The following PPP2R5A variants were observed in gnomAD, a reference collection of about 807,000 sequenced individuals.
The protein encoded by PPP2R5A is protein phosphatase 2 regulatory subunit B'alpha, also known as serine/threonine-protein phosphatase 2A 56 kDa regulatory subunit alpha isoform.
A neutral mutation model predicts 64.2 loss-of-function variants in PPP2R5A; 25 were observed. The ratio of observed to expected loss-of-function variants is 0.39; its 90% CI spans 0.28 to 0.54. The LOEUF is 0.54. Among genes scored for constraint, PPP2R5A ranks in the 20% least tolerant of loss-of-function variants. The probability of loss-of-function intolerance (pLI) is 0.67; values close to 1 mark genes in which losing one functional copy is unlikely to be tolerated. For missense variants in PPP2R5A, 425 were observed against 576.3 expected (o/e 0.74, Z 2.69); for synonymous variants, 198 against 201.2 (o/e 0.98, Z 0.13).
chr1:212,352,754 T>C lies in PPP2R5A; in HGVS notation c.927+3512T>C, dbSNP rs183901208. 5 of 517,638 alleles carry C rather than the reference T, an allele frequency of 9.7e-6. No individual in the cohort carries two copies. In the East Asian group the frequency reaches 2.2e-4, roughly 23 times the overall value. The allele number at this position is 517,638 out of a possible 1,614,324, so 32.1% of individuals were successfully genotyped here. A position where few individuals can be genotyped will look rare whatever the true frequency, so the allele number is the denominator to read the frequency against. On this transcript the variant is annotated intron_variant, in intron 8 of 12. Transcript: ENST00000261461. ...CCTGAGCCACCATGCCTGGCCTGCATTCATTTTCAATTACGCATATCAAAT... is the reference window on the plus strand; with the variant it reads ...CCTGAGCCACCATGCCTGGCCTGCACTCATTTTCAATTACGCATATCAAAT...
intron 5 of PPP2R5A, 31 bp from the exon 6 acceptor site, chr1:212,347,316 T>C: frequency 4.1e-6 from 6 of 1,473,412 alleles, no homozygotes; most frequent in Non-Finnish European, 5.6e-6. Flanking sequence ...AGTTTGATTT[T>C]GATTACATCT....
At chr1:212,315,931 G>A (rs1162259846) in intron 1 of PPP2R5A, among the ~76,000 whole-genome samples, 2 of 152,010 alleles carry the variant, frequency 1.3e-5, no homozygotes. Context: ...TGTTACTATT[G>A]TAATTGTTTT....
At position 212,338,397 on chromosome 1, in the gene PPP2R5A, G is replaced by A. The variant is rs560424109; in HGVS notation, c.481-3791G>A. The stretch of plus-strand genomic sequence containing the variant: ...TTAGTGAACTGAATTCACTGGTGAA[G>A]TGCCTGTTTTTCTTTGCAACACTGT... On this transcript the variant is annotated intron_variant, in intron 3 of 12. Transcript: ENST00000261461. Among the ~76,000 whole-genome samples the A allele has an allele frequency of 1.1e-4, 17 of 152,302 alleles. 1 individual carries two copies. In the South Asian group the frequency reaches 3.3e-3, roughly 30 times the overall value.
At chr1:212,301,708 A>G (rs1357009720) in intron 1 of PPP2R5A, 4 of 651,172 alleles carry the variant, frequency 6.1e-6, no homozygotes, top group Non-Finnish European at 7.7e-6. Context: ...GGGTATTGCC[A>G]AAAAAAGCTA....
intron 1 of PPP2R5A, among the ~76,000 whole-genome samples, chr1:212,305,811 A>T (rs1461786963): frequency 2.6e-5 from 4 of 152,208 alleles, no homozygotes; most frequent in African/African-American, 9.6e-5. Flanking sequence ...CTCTCTTTAG[A>T]TATGAGATAA....
At position 212,292,942 on chromosome 1, in the gene PPP2R5A, A is replaced by G. The variant is rs187936836; in HGVS notation, c.181+6651A>G. On this transcript the variant is annotated intron_variant, in intron 1 of 12. Coordinates refer to ENST00000261461, the MANE Select transcript of PPP2R5A (RefSeq NM_006243.4). ...CAGGGGAATCCAAGGGAGAGAATAC[A>G]ATCATGGGTTCTTAGTTTCTGTTTT... Among the ~76,000 whole-genome samples the G allele has an allele frequency of 3.3e-3, 507 of 152,324 alleles. 4 individuals carry two copies. The highest frequency in any genetic ancestry group is 4.8e-3 in the Non-Finnish European group (326 of 68,028).
intron 8 of PPP2R5A, among the ~76,000 whole-genome samples, chr1:212,354,890 G>T (rs1195965641): frequency 6.6e-6 from 1 of 152,184 alleles, no homozygotes; most frequent in Non-Finnish European, 1.5e-5. Context: ...AGAACATCCT[G>T]TACAGGTTTG....
chr1:212,333,539 C>G lies in PPP2R5A; in HGVS notation c.421C>G (p.Pro141Ala). ...CCGTACACTTCCTCCAAGTGATAAT[C>G]CAGATTTTGATCCAGAAGAGGATGA... The part of the protein sequence containing the change: ...IFRTLPPSDN[P>A]DFDPEEDEPT... The change falls in exon 3 of 13, where the codon CCA becomes GCA. Residue 141 changes from proline (P) to alanine (A), a missense_variant. Coordinates refer to ENST00000261461, the MANE Select transcript of PPP2R5A (RefSeq NM_006243.4). 6.2e-7 allele frequency: 1 copy of G among 1,602,304 alleles called. No individual in the cohort carries two copies. The highest frequency in any genetic ancestry group is 8.5e-7 in the Non-Finnish European group (1 of 1,172,798).
intron 1 of PPP2R5A, among the ~76,000 whole-genome samples, chr1:212,306,305 C>T (rs534205175): frequency 2.6e-5 from 4 of 151,370 alleles, no homozygotes; most frequent in Admixed American, 6.6e-5. Context: ...TGTGGCGTGC[C>T]TGGGCATTTA....
chr1:212,341,503 A>G (rs1201860410), intron 3 of PPP2R5A, among the ~76,000 whole-genome samples: 4 of 152,156 alleles, frequency 2.6e-5, no homozygotes, highest in African/African-American at 9.7e-5. Flanking sequence ...GTAGTGATTA[A>G]ATTGAGGTAG....
intron 1 of PPP2R5A, chr1:212,299,549 G>A (rs144999970): frequency 3.5e-4 from 54 of 152,286 alleles, no homozygotes; most frequent in African/African-American, 1.1e-3. Context: ...GAGGAAAAAA[G>A]TTAGGTCAGG....
At chr1:212,287,830 A>T (rs1658531958) in intron 1 of PPP2R5A, among the ~76,000 whole-genome samples, 1 of 151,938 alleles carries the variant, frequency 6.6e-6, no homozygotes, top group Non-Finnish European at 1.5e-5. Context: ...TTCTCCCATT[A>T]AATTGTCAAA....
At chr1:212,286,327 A>G (rs562793381) in intron 1 of PPP2R5A, 36 bp downstream of exon 1, 13 of 1,443,472 alleles carry the variant, frequency 9.0e-6, no homozygotes, top group Non-Finnish European at 1.2e-5. Context: ...CAGCGAGCGC[A>G]GGGGCTGGCA....
At position 212,326,882 on chromosome 1, in the gene PPP2R5A, T is replaced by G. The variant is rs961661319; in HGVS notation, c.182-2253T>G. Among the ~76,000 whole-genome samples the G allele has an allele frequency of 5.3e-5, 8 of 152,380 alleles. No homozygotes were observed. The Middle Eastern group carries it at 0.01, about 194-fold the overall frequency. ...GTGACTTTTGCTGTTCTTTGTAATA[T>G]ATCCACATTTGTTTTATTGTAAAAT... On this transcript the variant is annotated intron_variant, in intron 1 of 12. Coordinates refer to ENST00000261461, the MANE Select transcript of PPP2R5A (RefSeq NM_006243.4).
rs1446684085 is a variant in PPP2R5A, at chr1:212,285,857, C to T, written c.-254C>T. On this transcript the variant is annotated 5_prime_UTR_variant, in exon 1 of 13. Transcript: ENST00000261461. ...ACAACTTCTTCACCCCCCTCCGCCC[C>T]CGCCCTTCCCTCCGTCAGCCCCGGG... is the stretch of plus-strand genomic sequence containing the variant. 7.8e-6 allele frequency: 3 copies of T among 382,912 alleles called. No homozygotes were observed. The highest frequency in any genetic ancestry group is 9.3e-5 in the Admixed American group (2 of 21,416). The allele number at this position is 382,912 out of a possible 1,614,324, so 23.7% of individuals were successfully genotyped here.
chr1:212,297,115 T>C (rs1558138743), intron 1 of PPP2R5A, among the ~76,000 whole-genome samples: 1 of 18,558 alleles, frequency 5.4e-5, no homozygotes, highest in Non-Finnish European at 1.1e-4. Flanking sequence ...TTTTTTTTTT[T>C]TTTTTTTTTT....
intron 8 of PPP2R5A, among the ~76,000 whole-genome samples, chr1:212,349,477 AG>A (rs1050682056): frequency 6.6e-6 from 1 of 152,200 alleles, no homozygotes; most frequent in African/African-American, 2.4e-5. Flanking sequence ...GTAGTAGTTA[AG>A]ATGTACGATG....
intron 1 of PPP2R5A, among the ~76,000 whole-genome samples, chr1:212,320,164 C>T (rs1659243501): frequency 6.6e-6 from 1 of 151,798 alleles, no homozygotes; most frequent in African/African-American, 2.4e-5. Flanking sequence ...AGCATGCTGC[C>T]TTCAAGCATC....
chr1:212,303,151 C>A (rs1160400043), intron 1 of PPP2R5A, among the ~76,000 whole-genome samples: 1 of 152,152 alleles, frequency 6.6e-6, no homozygotes, highest in Non-Finnish European at 1.5e-5. Flanking sequence ...GGCTTAGTCA[C>A]TTGATAAATT....
Sources: gnomAD v4.1 joint callset for allele counts (sites outside exome capture counted in the v4.1 genomes callset) on GRCh38, gnomAD v4.1.1 for gene constraint, MANE v1.5 for transcripts, NCBI Gene and HGNC (gene_info 2026-07-23, HGNC 2026-07-21) for gene names.